CCDC171: variants seen among roughly 807,000 people sequenced by gnomAD.
CCDC171 encodes coiled-coil domain-containing protein 171.
Under a neutral mutation model 168.2 loss-of-function variants are expected in CCDC171, and 177 were observed. The observed-to-expected ratio is 1.05, with a 90% CI of 0.93 to 1.19. CCDC171 has a LOEUF of 1.19. Ranked by LOEUF, CCDC171 falls within the 50% of genes most tolerant of loss-of-function variation. The pLI is 0.00. For synonymous variants in CCDC171, 687 were observed against 540.8 expected (o/e 1.27, Z -3.75); for missense variants, 1,991 against 1,539.0 (o/e 1.29, Z -4.91).
chr9:15,563,876 C>G (rs1390302162), intron 1 of CCDC171, 102 bp from the exon 2 acceptor site: 91 of 508,184 alleles, frequency 1.8e-4, no homozygotes, highest in South Asian at 1.7e-3. Flanking sequence ...TACAATTTCA[C>G]TTATCAATTA....
chr9:15,772,763 C>A (rs747529529), intron 18 of CCDC171, among the ~76,000 whole-genome samples: 8 of 152,120 alleles, frequency 5.3e-5, no homozygotes, highest in Non-Finnish European at 8.8e-5. Context: ...ATTCTATCTA[C>A]TTTGTGGAGA....
At chr9:15,957,749 T>A (rs1035681036) in intron 25 of CCDC171, among the ~76,000 whole-genome samples, 1 of 152,206 alleles carries the variant, frequency 6.6e-6, no homozygotes, top group African/African-American at 2.4e-5. Flanking sequence ...TCCTCTGATA[T>A]AGAAAATCAA....
At chr9:16,098,873 C>CTGTATAT in the CCDC171 span, among the ~76,000 whole-genome samples, 1 of 152,172 alleles carries the variant, frequency 6.6e-6, no homozygotes, top group Non-Finnish European at 1.5e-5. Flanking sequence ...GTGTGCTGTG[C>CTGTATAT]ACATATGTGG....
chr9:15,714,518 C>T (rs923255808), intron 11 of CCDC171, among the ~76,000 whole-genome samples: 2 of 152,170 alleles, frequency 1.3e-5, no homozygotes, highest in Admixed American at 1.3e-4. Context: ...CACAGTAGCA[C>T]ATTTTATGTC....
intron 16 of CCDC171, among the ~76,000 whole-genome samples, chr9:15,742,352 A>T (rs896126586): frequency 1.3e-5 from 2 of 152,198 alleles, no homozygotes; most frequent in Non-Finnish European, 2.9e-5. Flanking sequence ...GTACTTTTCA[A>T]ATTTCCATCC....
chr9:15,644,366 A>G (rs1435967097), intron 7 of CCDC171, among the ~76,000 whole-genome samples: 1 of 152,164 alleles, frequency 6.6e-6, no homozygotes, highest in Non-Finnish European at 1.5e-5. Flanking sequence ...TACTGGGTTC[A>G]TCTCACTGGG....
intron 24 of CCDC171, among the ~76,000 whole-genome samples, chr9:15,878,223 CTG>C (rs986325454): frequency 6.6e-6 from 1 of 152,066 alleles, no homozygotes; most frequent in Non-Finnish European, 1.5e-5. Flanking sequence ...ATATTGCAAA[CTG>C]TGCATCTGAT....
At chr9:15,765,982 T>TC (rs1249276312) in intron 18 of CCDC171, among the ~76,000 whole-genome samples, 1 of 152,104 alleles carries the variant, frequency 6.6e-6, no homozygotes, top group African/African-American at 2.4e-5. Flanking sequence ...AGACAGTACC[T>TC]CCCTCCAGAG....
chr9:15,744,911 A>C, intron 17 of CCDC171, 134 bp downstream of exon 17: 1 of 831,446 alleles, frequency 1.2e-6, no homozygotes, highest in Non-Finnish European at 1.8e-6. Context: ...CTCCATATGT[A>C]CGTATATGTG....
chr9:15,601,256 C>T (rs765205981), intron 6 of CCDC171, among the ~76,000 whole-genome samples: 7 of 152,182 alleles, frequency 4.6e-5, no homozygotes, highest in Admixed American at 2.6e-4. Context: ...TGGAGCTGTT[C>T]CTATTTGGCC....
intron 25 of CCDC171, among the ~76,000 whole-genome samples, chr9:15,968,179 A>G (rs970542217): frequency 1.3e-5 from 2 of 152,226 alleles, no homozygotes; most frequent in Admixed American, 6.5e-5. Flanking sequence ...AAGTGCTTCC[A>G]TAAAGATTCA....
At position 15,778,991 on chromosome 9, in the gene CCDC171, G is replaced by C. The variant is rs139178402; in HGVS notation, c.2922G>C (p.Lys974Asn). 23 of 1,539,322 alleles carry C rather than the reference G, an allele frequency of 1.5e-5. No individual in the cohort carries two copies. The African/African-American group carries it at 3.2e-4, about 21-fold the overall frequency. ...AGAAAAGCACAGCATCGTTGCAGAA[G>C]CAAATACTTGGATTTACACAAAGAC... ...PITKSTASLQ[K>N]QILGFTQRLH... is the part of the protein sequence containing the mutation. Residue 974 changes from lysine to asparagine, a missense_variant, in exon 20 of 26, where the codon AAG (lysine) becomes AAC (asparagine). Transcript: ENST00000380701.
At chr9:15,945,852 T>A (rs1477061058) in intron 25 of CCDC171, among the ~76,000 whole-genome samples, 2 of 151,532 alleles carry the variant, frequency 1.3e-5, no homozygotes, top group African/African-American at 4.8e-5. Flanking sequence ...CTGATGGTAG[T>A]TTCTTTTGCT....
intron 7 of CCDC171, among the ~76,000 whole-genome samples, chr9:15,642,227 T>C (rs10962105): frequency 0.41 from 61,408 of 150,318 alleles, 14,378 homozygotes; most frequent in East Asian, 0.76. Context: ...ACCTGTATTA[T>C]AGGCAAAGCT....
chr9:16,033,412 G>A (rs1833401313), intron 6 of CCDC171, among the ~76,000 whole-genome samples: 1 of 152,182 alleles, frequency 6.6e-6, no homozygotes, highest in African/African-American at 2.4e-5. Context: ...AGCGGCATTA[G>A]ATTCTCATAG....
chr9:15,675,061 A>G (rs1261686948), intron 9 of CCDC171, among the ~76,000 whole-genome samples: 3 of 152,004 alleles, frequency 2.0e-5, no homozygotes, highest in Non-Finnish European at 4.4e-5. Context: ...GGGCGAATAT[A>G]TATTTAGGAC....
chr9:15,906,428 A>G (rs764319054), intron 24 of CCDC171, among the ~76,000 whole-genome samples: 3 of 152,240 alleles, frequency 2.0e-5, no homozygotes, highest in Non-Finnish European at 4.4e-5. Flanking sequence ...AATCCATATG[A>G]TTATCTCAAT....
chr9:15,971,630 A>G lies in CCDC171; in HGVS notation c.3775A>G (p.Asn1259Asp), dbSNP rs139737353. ...LQSIGSRDHS[N>D]LSIPSRAPLP... ...ACAGATAGGATCACGAGACCATTCA[A>G]ATCTCTCCATTCCTTCAAGAGCTCC... is the stretch of plus-strand genomic sequence containing the variant. The change falls in exon 26 of 26, where the codon AAT becomes GAT. Residue 1259 changes from asparagine (N) to aspartate (D), a missense_variant. By Grantham distance (23) the Asn-to-Asp change is conservative. Transcript: ENST00000380701. 2.7e-5 allele frequency: 44 copies of G among 1,613,208 alleles called. No homozygotes were observed. In the African/African-American group the frequency reaches 3.2e-4, roughly 12 times the overall value.
chr9:15,598,293 T>C (rs2042544485), intron 6 of CCDC171, among the ~76,000 whole-genome samples: 1 of 152,182 alleles, frequency 6.6e-6, no homozygotes, highest in African/African-American at 2.4e-5. Context: ...TTTAGTGCTG[T>C]AAATTTCCCT....
Sources: gnomAD v4.1 joint callset for allele counts (sites outside exome capture counted in the v4.1 genomes callset) on GRCh38, gnomAD v4.1.1 for gene constraint, MANE v1.5 for transcripts, NCBI Gene and HGNC (gene_info 2026-07-23, HGNC 2026-07-21) for gene names.